UTP25: variants seen among roughly 807,000 people sequenced by gnomAD.
UTP25 encodes the protein U3 small nucleolar RNA-associated protein 25 homolog.
In UTP25, 50 loss-of-function variants were observed where a neutral mutation model predicts 78.9. The observed-to-expected ratio is 0.63, with a 90% CI of 0.50 to 0.80. UTP25 has a LOEUF of 0.80. UTP25 is among the 30% of genes least tolerant of loss of function. UTP25 has a pLI of 0.00. For missense variants in UTP25, 846 were observed against 911.3 expected (o/e 0.93, Z 0.92); for synonymous variants, 329 against 336.5 (o/e 0.98, Z 0.24).
At chr1:209,828,418 A>G (rs1227040929) in intron 1 of UTP25, among the ~76,000 whole-genome samples, 1 of 57,866 alleles carries the variant, frequency 1.7e-5, no homozygotes, top group South Asian at 5.5e-4. Flanking sequence ...TTTTTTTTTT[A>G]AGACGGTGTT....
Position 209,830,783 on chromosome 1 carries a change from A to C in UTP25, c.148-20A>C. 1.2e-6 allele frequency: 2 copies of C among 1,608,596 alleles called. No individual in the cohort carries two copies. The highest frequency in any genetic ancestry group is 1.7e-6 in the Non-Finnish European group (2 of 1,177,508). On this transcript the variant is annotated intron_variant, in intron 2 of 11. Coordinates refer to ENST00000491415, the MANE Select transcript of UTP25 (RefSeq NM_014388.7). ...AGAACAATATAGTTTTTGTTCTTAA[A>C]ATTCTCCTTTTCCTTTTAGTCAGAG...
In UTP25 at chr1:209,842,360, C is replaced by T; in HGVS notation, c.1581C>T (p.Tyr527=). Reference sequence around the variant, plus strand: ...GGAGCCTCAATAATTGGTCCAAGTACTATCGCCAGACACTGCTATTTGGGG... The same window carrying T: ...GGAGCCTCAATAATTGGTCCAAGTATTATCGCCAGACACTGCTATTTGGGG... ...RMWSLNNWSK[Y]YRQTLLFGAL... Residue 527 remains tyrosine (Y), a synonymous_variant, in exon 9 of 12, where the codon TAC becomes TAT. Coordinates refer to ENST00000491415, the MANE Select transcript of UTP25 (RefSeq NM_014388.7). 1 of 1,614,154 alleles carries T rather than the reference C, an allele frequency of 6.2e-7. No homozygotes were observed. The highest frequency in any genetic ancestry group is 8.5e-7 in the Non-Finnish European group (1 of 1,179,992).
chr1:209,855,963 C>G lies in UTP25; in HGVS notation c.*4516C>G, dbSNP rs1488262473. On this transcript the variant is annotated 3_prime_UTR_variant, in exon 12 of 12. Transcript: ENST00000491415. ...CTTCGTCCTCACTGACCTCTGCAGC[C>G]TCTCTCATCTGCCAGTTTTGATTCC... The G allele has an allele frequency of 6.6e-6, 1 of 152,446 alleles. No individual in the cohort carries two copies. The highest frequency in any genetic ancestry group is 1.5e-5 in the Non-Finnish European group (1 of 68,186). 9.4% of individuals were successfully genotyped at this position (152,446 alleles called of 1,614,324 possible).
At position 209,842,468 on chromosome 1, in the gene UTP25, C is replaced by T. The variant is rs770683808; in HGVS notation, c.1668+21C>T. 7 of 1,613,996 alleles carry T rather than the reference C, an allele frequency of 4.3e-6. No homozygotes were observed. The South Asian group carries it at 7.7e-5, about 18-fold the overall frequency. ...GCCAGGTGGGTTCTCGTCTTGTTTCCTCAGTATCTTCATGAGCACTGTTTA... is the reference window on the plus strand; with the variant it reads ...GCCAGGTGGGTTCTCGTCTTGTTTCTTCAGTATCTTCATGAGCACTGTTTA... On this transcript the variant is annotated intron_variant, in intron 9 of 11. Transcript: ENST00000491415.
intron 11 of UTP25, among the ~76,000 whole-genome samples, chr1:209,844,968 AT>A (rs1366641998): frequency 6.6e-6 from 1 of 152,124 alleles, no homozygotes; most frequent in African/African-American, 2.4e-5. Context: ...CAATGGGTGC[AT>A]TTTCTCAGAG....
At chr1:209,831,511 A>G (rs1345179282) in intron 3 of UTP25, among the ~76,000 whole-genome samples, 1 of 152,212 alleles carries the variant, frequency 6.6e-6, no homozygotes, top group Non-Finnish European at 1.5e-5. Context: ...TAAATTAGGG[A>G]AGGCTTCAGG....
At chr1:209,840,748 A>C (rs654470) in intron 7 of UTP25, 105 bp from the exon 8 acceptor site, 2 of 1,059,638 alleles carry the variant, frequency 1.9e-6, no homozygotes, top group Non-Finnish European at 2.9e-6. Flanking sequence ...AAGAGGAACA[A>C]AAGAGATGTG....
At chr1:209,842,130 A>T in intron 8 of UTP25, 135 bp from the exon 9 acceptor site, 1 of 918,894 alleles carries the variant, frequency 1.1e-6, no homozygotes, top group African/African-American at 1.7e-5. Flanking sequence ...TCACTCACCC[A>T]TGTGAGCCTC....
rs2078276424 is a variant in UTP25, at chr1:209,856,442, C to T, written c.*4995C>T. The T allele has an allele frequency of 6.6e-6, 1 of 152,152 alleles. No individual in the cohort carries two copies. The highest frequency in any genetic ancestry group is 2.1e-4 in the South Asian group (1 of 4,836). The allele number at this position is 152,152 out of a possible 1,614,324, so 9.4% of individuals were successfully genotyped here. A position where few individuals can be genotyped will look rare whatever the true frequency, so the allele number is the denominator to read the frequency against. On this transcript the variant is annotated 3_prime_UTR_variant, in exon 12 of 12. Transcript: ENST00000491415. ...TTTACCTTCTGCTCTTCCCTTTTTC[C>T]TGCCTGGAACGCAGAAGTGATGGCT...
chr1:209,838,951 G>T lies in UTP25; in HGVS notation c.1105G>T (p.Val369Leu). The change falls in exon 7 of 12, where the codon GTG becomes TTG. Residue 369 changes from valine (V) to leucine (L), a missense_variant. Physicochemically the swap from Val to Leu is conservative, Grantham distance 32 (BLOSUM62 1). Coordinates refer to ENST00000491415, the MANE Select transcript of UTP25 (RefSeq NM_014388.7). ...ATTCCGGGAAGCTGCTTTGCGGGTG[G>T]TGCAGCTCTTCATCAGCCTCCTCGA... ...VPFREAALRVVQLFISLLEGD... is the reference protein window; with the variant it reads ...VPFREAALRVLQLFISLLEGD... 6.2e-7 allele frequency: 1 copy of T among 1,614,084 alleles called. No homozygotes were observed. Among genetic ancestry groups the T allele is most frequent in the Non-Finnish European group, 8.5e-7 (1 of 1,179,982 alleles).
chr1:209,850,602 G>A (rs1274309059), intron 11 of UTP25, among the ~76,000 whole-genome samples: 3 of 152,208 alleles, frequency 2.0e-5, no homozygotes, highest in South Asian at 2.1e-4. Context: ...ACCACAGGGC[G>A]GCACTGTGCA....
rs186737634 is a variant in UTP25, at chr1:209,852,542, C to G, written c.*1095C>G. 1 of 152,128 alleles carries G rather than the reference C, an allele frequency of 6.6e-6. No individual in the cohort carries two copies. The highest frequency in any genetic ancestry group is 2.4e-5 in the African/African-American group (1 of 41,408). 9.4% of individuals were successfully genotyped at this position (152,128 alleles called of 1,614,324 possible). A position where few individuals can be genotyped will look rare whatever the true frequency, so the allele number is the denominator to read the frequency against. ...TGTTACATCATTATTTCTTTAGATG[C>G]GTAACTGGTCTCAAATATGGCCGCT... On this transcript the variant is annotated 3_prime_UTR_variant, in exon 12 of 12. Coordinates refer to ENST00000491415, the MANE Select transcript of UTP25 (RefSeq NM_014388.7).
intron 3 of UTP25, among the ~76,000 whole-genome samples, chr1:209,831,295 T>C (rs1472177579): frequency 6.6e-6 from 1 of 152,252 alleles, no homozygotes; most frequent in Non-Finnish European, 1.5e-5. Flanking sequence ...AAAGACCTCC[T>C]AATACAGAGG....
rs2078255308 is a variant in UTP25, at chr1:209,853,825, C to A, written c.*2378C>A. 2 of 152,208 alleles carry A rather than the reference C, an allele frequency of 1.3e-5. No individual in the cohort carries two copies. Among genetic ancestry groups the A allele is most frequent in the Admixed American group, 6.5e-5 (1 of 15,286 alleles). The allele number at this position is 152,208 out of a possible 1,614,324, so 9.4% of individuals were successfully genotyped here. A position where few individuals can be genotyped will look rare whatever the true frequency, so the allele number is the denominator to read the frequency against. ...ATCCATGATGTAGCCCCAGAAATAA[C>A]CATTTTATTAAGCACCCCTAGTGAT... On this transcript the variant is annotated 3_prime_UTR_variant, in exon 12 of 12. Coordinates refer to ENST00000491415, the MANE Select transcript of UTP25 (RefSeq NM_014388.7).
In UTP25 at chr1:209,854,086, A is replaced by G. The variant is rs1323094219; in HGVS notation, c.*2639A>G. ...TCTCTCTCAACACACAATAAGCGAG[A>G]AGAGAGGCTACTGAAATACGGATGC... On this transcript the variant is annotated 3_prime_UTR_variant, in exon 12 of 12. Coordinates refer to ENST00000491415, the MANE Select transcript of UTP25 (RefSeq NM_014388.7). 2.0e-5 allele frequency: 3 copies of G among 152,178 alleles called. No homozygotes were observed. In the East Asian group the frequency reaches 5.8e-4, roughly 29 times the overall value. 9.4% of individuals were successfully genotyped at this position (152,178 alleles called of 1,614,324 possible). A position where few individuals can be genotyped will look rare whatever the true frequency, so the allele number is the denominator to read the frequency against.
chr1:209,841,508 A>T (rs1268012753), intron 8 of UTP25, among the ~76,000 whole-genome samples: 1 of 152,174 alleles, frequency 6.6e-6, no homozygotes, highest in Non-Finnish European at 1.5e-5. Context: ...CTTGTTTTGT[A>T]GAGAAATATA....
At position 209,842,573 on chromosome 1, in the gene UTP25, C is replaced by T. The variant is rs771181714; in HGVS notation, c.1669-10C>T. On this transcript the variant is annotated splice_polypyrimidine_tract_variant and intron_variant, in intron 9 of 11. Transcript: ENST00000491415. ...GCTGTCCACCTAACGCTCTTGTTGA[C>T]TACTGGCAGGTGGCCGTGAGGAATG... The T allele has an allele frequency of 1.9e-6, 3 of 1,613,446 alleles. No homozygotes were observed. The African/African-American group carries it at 4.0e-5, about 22-fold the overall frequency.
intron 3 of UTP25, among the ~76,000 whole-genome samples, chr1:209,831,514 G>C (rs1246932302): frequency 2.0e-5 from 3 of 152,190 alleles, no homozygotes; most frequent in African/African-American, 7.2e-5. Flanking sequence ...ATTAGGGAAG[G>C]CTTCAGGGAC....
In UTP25 at chr1:209,828,129, A is replaced by C; in HGVS notation, c.66A>C (p.Lys22Asn). 6.2e-7 allele frequency: 1 copy of C among 1,614,106 alleles called. No individual in the cohort carries two copies. Among genetic ancestry groups the C allele is most frequent in the African/African-American group, 1.3e-5 (1 of 75,022 alleles). Reference protein sequence around the residue: ...LLNTLTKKQKKHLRDFGEEHP... With the variant: ...LLNTLTKKQKNHLRDFGEEHP... ...ACACCCTAACTAAAAAGCAGAAGAA[A>C]CATCTTCGAGATTTCGGCGAGGAGC... The change falls in exon 1 of 12, where the codon AAA becomes AAC. Residue 22 changes from lysine to asparagine, a missense_variant. Physicochemically the swap from Lys to Asn is moderately conservative, Grantham distance 94. Transcript: ENST00000491415.
Sources: gnomAD v4.1 joint callset for allele counts (sites outside exome capture counted in the v4.1 genomes callset) on GRCh38, gnomAD v4.1.1 for gene constraint, MANE v1.5 for transcripts, NCBI Gene and HGNC (gene_info 2026-07-23, HGNC 2026-07-21) for gene names.